The following MRPL34 variants were observed in gnomAD, a reference collection of about 807,000 sequenced individuals.
MRPL34 encodes the protein mitochondrial ribosomal protein L34.
A neutral mutation model predicts 6.7 loss-of-function variants in MRPL34; 8 were observed. The ratio of observed to expected loss-of-function variants is 1.20; its 90% CI spans 0.70 to 2.16. The LOEUF (loss-of-function observed/expected upper bound fraction) is 2.16, where lower values mean the gene tolerates loss of function less well. MRPL34 is among the 30% of genes most tolerant of loss of function. The pLI, the probability that MRPL34 is intolerant of heterozygous loss-of-function variation, is 0.00. For missense variants in MRPL34, 146 were observed against 125.5 expected, an observed-to-expected ratio of 1.16 and a Z score of -0.78; for synonymous variants, 59 against 55.1, an observed-to-expected ratio of 1.07 and a Z score of -0.31.
At chr19:17,294,351 G>T in intron 1 of MRPL34, 1 of 1,613,372 alleles carries the variant, frequency 6.2e-7, no homozygotes. Context: ...GGACAAGCAG[G>T]ACGGGCACGG....
Position 17,306,279 on chromosome 19 carries a change from G to T in MRPL34, c.179G>T (p.Arg60Leu), listed in dbSNP as rs950948889. Residue 60 changes from arginine (R) to leucine (L), a missense_variant, in exon 2 of 2, where the codon CGC becomes CTC. By Grantham distance (102) the Arg-to-Leu change is moderately radical. Transcript: ENST00000252602. ...GNEYQPSNIK[R>L]KNKHGWVRRL... is the part of the protein sequence containing the mutation. The stretch of plus-strand genomic sequence containing the variant: ...GAGTATCAGCCGAGCAACATCAAAC[G>T]CAAGAACAAGCACGGCTGGGTCCGG... 3 of 1,608,690 alleles carry T rather than the reference G, an allele frequency of 1.9e-6. No individual in the cohort carries two copies. Among genetic ancestry groups the T allele is most frequent in the Admixed American group, 1.7e-5 (1 of 59,480 alleles).
intron 1 of MRPL34, chr19:17,294,353 C>T: frequency 2.5e-6 from 4 of 1,613,386 alleles, no homozygotes; most frequent in South Asian, 2.2e-5. Context: ...ACAAGCAGGA[C>T]GGGCACGGTG....
upstream of MRPL34, among the ~76,000 whole-genome samples, chr19:17,299,518 G>A (rs139608887): frequency 2.0e-3 from 269 of 135,524 alleles, 1 homozygote; most frequent in African/African-American, 7.3e-3. Context: ...CCAGGATCAC[G>A]CCACTGCACT....
intron 1 of MRPL34, among the ~76,000 whole-genome samples, chr19:17,293,281 G>C (rs1599521475): frequency 6.6e-6 from 1 of 151,856 alleles, no homozygotes; most frequent in Non-Finnish European, 1.5e-5. Context: ...ATTTTTAGTA[G>C]AGACGGGGTT....
In MRPL34 at chr19:17,292,688, C is replaced by T. The variant is rs868436323; in HGVS notation, c.48C>T (p.Gly16=). Reference sequence around the variant, plus strand: ...ACTTCTTGTCTTCTGGAGGCGCCGGCAGTGGCTCCGGTAGAGCCTTGGGCG... The same window carrying T: ...ACTTCTTGTCTTCTGGAGGCGCCGGTAGTGGCTCCGGTAGAGCCTTGGGCG... Residue 16 remains glycine (G), a synonymous_variant, in exon 1 of 3, where the codon GGC becomes GGT. Coordinates refer to the MRPL34 transcript ENST00000595444. 4.3e-6 allele frequency: 7 copies of T among 1,611,878 alleles called. No individual in the cohort carries two copies. In the African/African-American group the frequency reaches 8.0e-5, roughly 18 times the overall value.
chr19:17,306,072 G>A, intron 1 of MRPL34, 94 bp from the exon 2 acceptor site: 1 of 1,528,574 alleles, frequency 6.5e-7, no homozygotes, highest in Admixed American at 1.9e-5. Context: ...TTGCAGCCAG[G>A]CTCTGTCTCC....
upstream of MRPL34, among the ~76,000 whole-genome samples, chr19:17,300,482 C>A (rs1356451836): frequency 1.3e-5 from 2 of 151,510 alleles, no homozygotes; most frequent in Non-Finnish European, 2.9e-5. Context: ...ACTGGGATTA[C>A]AGGTGTCAGT....
chr19:17,292,915 A>C (rs2074077511), intron 1 of MRPL34: 1 of 1,443,190 alleles, frequency 6.9e-7, no homozygotes, highest in Non-Finnish European at 9.4e-7. Flanking sequence ...CCATACACAC[A>C]TGGCCCACAG....
chr19:17,301,410 C>T (rs753588501), upstream of MRPL34: 1 of 1,612,096 alleles, frequency 6.2e-7, no homozygotes, highest in Non-Finnish European at 8.5e-7. Context: ...AGAGGTCCCC[C>T]TGGGCTGCAT....
chr19:17,293,684 G>C (rs1162407869), intron 1 of MRPL34, among the ~76,000 whole-genome samples: 2 of 56,700 alleles, frequency 3.5e-5, no homozygotes, highest in East Asian at 4.5e-4. Flanking sequence ...TACTTTAATG[G>C]TTTTTGTTTT....
At chr19:17,297,007 C>T (rs888589072) in intron 1 of MRPL34, among the ~76,000 whole-genome samples, 2 of 152,130 alleles carry the variant, frequency 1.3e-5, no homozygotes, top group African/African-American at 4.8e-5. Flanking sequence ...AAAATGTTTC[C>T]TAAATAAAGT....
upstream of MRPL34, chr19:17,297,917 CTT>C (rs11299354): frequency 8.8e-5 from 12 of 136,172 alleles, no homozygotes; most frequent in African/African-American, 1.1e-4. Context: ...TTTCTTTTTT[CTT>C]TTTTTTTTTT....
At chr19:17,296,353 C>T (rs564996997) in intron 1 of MRPL34, 2 of 152,174 alleles carry the variant, frequency 1.3e-5, no homozygotes, top group Non-Finnish European at 2.9e-5. Flanking sequence ...TGTGCCCGGC[C>T]CTCATCAGAT....
intron 1 of MRPL34, among the ~76,000 whole-genome samples, chr19:17,295,358 C>T (rs28473003): frequency 0.28 from 43,091 of 151,716 alleles, 6,569 homozygotes; most frequent in African/African-American, 0.35. Context: ...CCATCCGCCT[C>T]GGCCTCCCAA....
At chr19:17,306,036 C>T in intron 1 of MRPL34, 79 bp downstream of exon 1, 1 of 1,566,280 alleles carries the variant, frequency 6.4e-7, no homozygotes. Flanking sequence ...TCACTGCCCG[C>T]GTGACCTGCC....
At chr19:17,300,957 C>T, upstream of MRPL34, 1 of 1,613,542 alleles carries the variant, frequency 6.2e-7, no homozygotes, top group Non-Finnish European at 8.5e-7. Flanking sequence ...CTGCGGCCAC[C>T]TGGGGCGCAG....
upstream of MRPL34, among the ~76,000 whole-genome samples, chr19:17,304,587 C>T (rs1037736595): frequency 6.6e-6 from 1 of 152,164 alleles, no homozygotes; most frequent in Non-Finnish European, 1.5e-5. Context: ...GTCCAGACAC[C>T]TACTCTTGCC....
At chr19:17,301,638 C>G (rs1317594633), upstream of MRPL34, 1 of 1,521,124 alleles carries the variant, frequency 6.6e-7, no homozygotes, top group African/African-American at 1.4e-5. Context: ...TGAGTGAGGA[C>G]AGCAGCCAGT....
rs540590711 is a variant in MRPL34 at position 17,295,261 on chromosome 19, G to T, written c.214+2407G>T. ...GCTGGGACTACAGGCGCCCGCCACC[G>T]CGCCCGGCTAATTTTTTGTATTTTT... On this transcript the variant is annotated intron_variant, in intron 1 of 2. Transcript: ENST00000595444. Among the ~76,000 whole-genome samples the T allele has an allele frequency of 5.8e-3, 863 of 149,920 alleles. 11 individuals carry two copies. The highest frequency in any genetic ancestry group is 0.02 in the African/African-American group (828 of 40,692).
Sources: allele counts gnomAD v4.1 joint callset (sites outside exome capture counted in the v4.1 genomes callset), GRCh38; gene constraint gnomAD v4.1.1; transcripts MANE v1.5; gene names NCBI Gene and HGNC (gene_info 2026-07-23, HGNC 2026-07-21).